Variants in SCLT1 observed in about 807,000 individuals in gnomAD.
SCLT1 encodes sodium channel and clathrin linker 1, also known as sodium channel-associated protein 1.
SCLT1 carries 78 observed loss-of-function variants against 112.8 expected under a neutral mutation model. The observed-to-expected ratio is 0.69, with a 90% CI of 0.58 to 0.83. The LOEUF (loss-of-function observed/expected upper bound fraction) is 0.83, where lower values mean the gene tolerates loss of function less well. SCLT1 is among the 40% of genes least tolerant of loss of function. The probability of loss-of-function intolerance (pLI) is 0.00; values close to 1 mark genes in which losing one functional copy is unlikely to be tolerated. For synonymous variants in SCLT1, 257 were observed against 254.7 expected, an observed-to-expected ratio of 1.01 and a Z score of -0.09; for missense variants, 747 against 770.4, an observed-to-expected ratio of 0.97 and a Z score of 0.36.
intron 1 of SCLT1, among the ~76,000 whole-genome samples, chr4:129,092,822 A>G (rs996626477): frequency 2.0e-5 from 3 of 152,350 alleles, no homozygotes; most frequent in South Asian, 2.1e-4. Flanking sequence ...TCAGAGCACG[A>G]GAGGAGCATA....
intron 9 of SCLT1, among the ~76,000 whole-genome samples, chr4:128,988,122 A>C (rs1361733764): frequency 6.6e-6 from 1 of 152,180 alleles, no homozygotes; most frequent in Non-Finnish European, 1.5e-5. Flanking sequence ...AAATCATCTG[A>C]AGATATAAAA....
chr4:129,073,241 G>A (rs999391173), intron 2 of SCLT1, among the ~76,000 whole-genome samples: 2 of 152,040 alleles, frequency 1.3e-5, no homozygotes, highest in Non-Finnish European at 2.9e-5. Flanking sequence ...GGGTCTATGG[G>A]TCCTCTTGGA....
intron 5 of SCLT1, among the ~76,000 whole-genome samples, chr4:129,027,762 G>C (rs1414903118): frequency 6.6e-6 from 1 of 152,152 alleles, no homozygotes; most frequent in Non-Finnish European, 1.5e-5. Context: ...TGACATGATT[G>C]TATATCTAGA....
chr4:129,083,687 C>T (rs1287682834), intron 1 of SCLT1, among the ~76,000 whole-genome samples: 1 of 151,866 alleles, frequency 6.6e-6, no homozygotes, highest in Non-Finnish European at 1.5e-5. Flanking sequence ...GAAGAAAGAT[C>T]TCAGGAGGAA....
chr4:129,033,537 T>C, intron 5 of SCLT1, among the ~76,000 whole-genome samples: 1 of 109,698 alleles, frequency 9.1e-6, no homozygotes, highest in South Asian at 2.9e-4. Flanking sequence ...AAAATTCAAA[T>C]AGTAATAAGG....
intron 9 of SCLT1, among the ~76,000 whole-genome samples, chr4:128,975,515 C>T (rs1392168092): frequency 6.6e-6 from 1 of 152,074 alleles, no homozygotes; most frequent in Non-Finnish European, 1.5e-5. Context: ...TATTTTAAGA[C>T]AAATTTTTAT....
At chr4:129,070,260 G>A (rs572672817) in intron 2 of SCLT1, among the ~76,000 whole-genome samples, 1 of 152,210 alleles carries the variant, frequency 6.6e-6, no homozygotes, top group South Asian at 2.1e-4. Context: ...ATAGTGTGAT[G>A]CTGGCTTCAC....
At position 128,996,776 on chromosome 4, in the gene SCLT1, G is replaced by A. The variant is rs72924111; in HGVS notation, c.615+1098C>T. Among the ~76,000 whole-genome samples the A allele has an allele frequency of 6.4e-3, 978 of 151,996 alleles. 7 individuals are homozygous for A. The highest frequency in any genetic ancestry group is 0.016 in the African/African-American group (674 of 41,490). On this transcript the variant is annotated intron_variant, in intron 8 of 20. Coordinates refer to ENST00000281142, the MANE Select transcript of SCLT1 (RefSeq NM_144643.4). The stretch of plus-strand genomic sequence containing the variant: ...ATTCTTAGCTCTGACCTGGAACCAT[G>A]AATACTTCTGCCTTAGAAATTTTTA...
chr4:129,061,460 C>A (rs932371149), intron 2 of SCLT1, among the ~76,000 whole-genome samples: 1 of 152,082 alleles, frequency 6.6e-6, no homozygotes, highest in Admixed American at 6.5e-5. Flanking sequence ...TCTGACAGGG[C>A]AGCAATTTCC....
In SCLT1 at chr4:128,992,164, T is replaced by TA; in HGVS notation, c.686+2dup. ...AAATAATGAAACTCATTTTTGAAAA[T>TA]ACCTAAGTTTTTTTCGGAGTTGTTC... On this transcript the variant is annotated splice_region_variant and intron_variant, in intron 9 of 20. Coordinates refer to ENST00000281142, the MANE Select transcript of SCLT1 (RefSeq NM_144643.4). 1 of 1,559,022 alleles carries TA rather than the reference T, an allele frequency of 6.4e-7. No individual in the cohort carries two copies. The highest frequency in any genetic ancestry group is 8.8e-7 in the Non-Finnish European group (1 of 1,136,888).
intron 5 of SCLT1, among the ~76,000 whole-genome samples, chr4:129,026,989 A>AG (rs1446761613): frequency 2.0e-5 from 3 of 152,190 alleles, no homozygotes; most frequent in Non-Finnish European, 4.4e-5. Context: ...CACCCTCCCA[A>AG]GACTAAACCA....
intron 18 of SCLT1, among the ~76,000 whole-genome samples, chr4:128,919,662 C>A (rs1735730258): frequency 6.6e-6 from 1 of 151,328 alleles, no homozygotes; most frequent in Non-Finnish European, 1.5e-5. Context: ...ACCAGCTAGA[C>A]TAATAAAGAA....
At chr4:128,897,940 T>A (rs1429790964) in intron 18 of SCLT1, among the ~76,000 whole-genome samples, 3 of 152,116 alleles carry the variant, frequency 2.0e-5, no homozygotes, top group Admixed American at 1.3e-4. Flanking sequence ...CATTACATAA[T>A]GGTAAAGGGA....
intron 2 of SCLT1, among the ~76,000 whole-genome samples, chr4:129,069,591 T>C (rs916963730): frequency 6.6e-6 from 1 of 152,202 alleles, no homozygotes; most frequent in Non-Finnish European, 1.5e-5. Context: ...TACTGATTTG[T>C]GCACATTAAT....
intron 5 of SCLT1, 25 bp downstream of exon 5, chr4:129,039,016 T>G (rs752131091): frequency 1.5e-6 from 2 of 1,334,496 alleles, no homozygotes; most frequent in Non-Finnish European, 2.2e-6. Context: ...TAATAAAAGA[T>G]AAAACCAATA....
intron 5 of SCLT1, among the ~76,000 whole-genome samples, chr4:129,027,369 C>T (rs1388484836): frequency 1.3e-5 from 2 of 152,218 alleles, no homozygotes; most frequent in African/African-American, 4.8e-5. Flanking sequence ...AAGTGGGCTT[C>T]ATCCCTGGGA....
At chr4:128,906,750 G>A (rs532188242) in intron 18 of SCLT1, among the ~76,000 whole-genome samples, 2 of 152,242 alleles carry the variant, frequency 1.3e-5, no homozygotes, top group African/African-American at 2.4e-5. Flanking sequence ...ACTGAAATGA[G>A]TGCCTGTTAC....
intron 18 of SCLT1, among the ~76,000 whole-genome samples, chr4:128,927,092 A>G (rs551449825): frequency 7.2e-5 from 11 of 152,240 alleles, no homozygotes; most frequent in African/African-American, 2.4e-4. Context: ...ACAAATCCCA[A>G]TATATTTTGA....
In SCLT1 at chr4:129,025,825, C is replaced by T. The variant is rs932860315; in HGVS notation, c.290+13216G>A. On this transcript the variant is annotated intron_variant, in intron 5 of 20. Transcript: ENST00000281142. ...AACCCATCTCACGTGCAGAGACACA[C>T]ATAGGCTCAAAATAAAAGGATGGAG... Among the ~76,000 whole-genome samples, 198 of 151,708 alleles carry T rather than the reference C, an allele frequency of 1.3e-3. 5 individuals carry two copies. Among genetic ancestry groups the T allele is most frequent in the Non-Finnish European group, 3.1e-4 (21 of 67,818 alleles).
Sources: allele counts gnomAD v4.1 joint callset (sites outside exome capture counted in the v4.1 genomes callset), GRCh38; gene constraint gnomAD v4.1.1; transcripts MANE v1.5; gene names NCBI Gene and HGNC (gene_info 2026-07-23, HGNC 2026-07-21).